Variants in SH2D1B observed in about 807,000 individuals in gnomAD.
SH2D1B encodes the protein SH2 domain containing 1B, also known as SH2 domain-containing protein 1B.
In SH2D1B, 11 loss-of-function variants were observed where a neutral mutation model predicts 16.3. The observed-to-expected ratio is 0.67, with a 90% CI of 0.42 to 1.11. SH2D1B has a LOEUF of 1.11. Ranked by LOEUF, SH2D1B falls within the 50% of genes most tolerant of loss-of-function variation. SH2D1B has a pLI of 0.00. For synonymous variants in SH2D1B, 55 were observed against 56.1 expected, an observed-to-expected ratio of 0.98 and a Z score of 0.09; for missense variants, 123 against 153.1, an observed-to-expected ratio of 0.80 and a Z score of 1.04.
At chr1:162,402,273 G>A (rs1027531402) in intron 2 of SH2D1B, among the ~76,000 whole-genome samples, 1 of 152,208 alleles carries the variant, frequency 6.6e-6, no homozygotes, top group Non-Finnish European at 1.5e-5. Flanking sequence ...AGCAGTCTGG[G>A]AGGCTGAGGC....
At chr1:162,401,946 A>C (rs1342955300) in intron 2 of SH2D1B, among the ~76,000 whole-genome samples, 7 of 152,364 alleles carry the variant, frequency 4.6e-5, no homozygotes, top group Middle Eastern at 3.4e-3. Context: ...AATTTAAAAG[A>C]AGCAAAATGT....
At chr1:162,409,184 GTCCTTGCACC>G (rs1206592705) in intron 1 of SH2D1B, among the ~76,000 whole-genome samples, 41 of 151,564 alleles carry the variant, frequency 2.7e-4, no homozygotes, top group African/African-American at 9.2e-4. Context: ...GCCAAGGTCT[GTCCTTGCACC>G]TTCTTGTTTT....
At position 162,397,313 on chromosome 1, in the gene SH2D1B, G is replaced by C. The variant is rs34001279; in HGVS notation, c.366C>G (p.Asn122Lys). The change falls in exon 4 of 4, where the codon AAC becomes AAG. Residue 122 changes from asparagine to lysine, a missense_variant and splice_region_variant. Asn to Lys is a moderately conservative substitution (Grantham distance 94). Transcript: ENST00000367929. ...GLKLELETFV[N>K]SNSDYVDVLP ...AGACATCCACATAATCGCTGTTACT[G>C]TTCTTTGGAGGGAAAAAAAAAGCAG... The C allele has an allele frequency of 1.9e-6, 3 of 1,613,282 alleles. No individual in the cohort carries two copies. The highest frequency in any genetic ancestry group is 2.5e-6 in the Non-Finnish European group (3 of 1,179,764).
chr1:162,411,850 G>A lies in SH2D1B; in HGVS notation c.134+33C>T, dbSNP rs183913525. The stretch of plus-strand genomic sequence containing the variant: ...GCAGCCATTGCCACATTCAACATAC[G>A]ATGTCAGATGTGTGCAAGATGAGGC... On this transcript the variant is annotated intron_variant, in intron 1 of 3. Transcript: ENST00000367929. 222 of 1,613,320 alleles carry A rather than the reference G, an allele frequency of 1.4e-4. 2 individuals carry two copies. In the East Asian group the frequency reaches 2.7e-3, roughly 20 times the overall value.
At chr1:162,403,511 A>AAAAAAATATAT (rs1648579325) in intron 1 of SH2D1B, among the ~76,000 whole-genome samples, 1 of 42,040 alleles carries the variant, frequency 2.4e-5, no homozygotes, top group Non-Finnish European at 4.0e-5. Context: ...AAAAAAAAAA[A>AAAAAAATATAT]ATATATATAT....
At chr1:162,402,958 G>C (rs1280845187) in intron 1 of SH2D1B, among the ~76,000 whole-genome samples, 156 bp from the exon 2 acceptor site, 1 of 150,096 alleles carries the variant, frequency 6.7e-6, no homozygotes, top group Non-Finnish European at 1.5e-5. Context: ...GCCCAGGCTG[G>C]AGTGCAGTGG....
Position 162,409,578 on chromosome 1 carries a change from CTT to C in SH2D1B, c.134+2303_134+2304del, listed in dbSNP as rs202167750. ...TACATGTAAGCAGATCTTTTCCACT[CTT>C]TGTTTATTTTATTTGAGATGGAGAG... On this transcript the variant is annotated intron_variant, in intron 1 of 3. Coordinates refer to ENST00000367929, the MANE Select transcript of SH2D1B (RefSeq NM_053282.5). 8.4e-3 allele frequency among the ~76,000 whole-genome samples: 1,273 copies of C among 152,178 alleles called. 18 individuals are homozygous for C. Among genetic ancestry groups the C allele is most frequent in the African/African-American group, 0.029 (1,207 of 41,502 alleles).
chr1:162,405,799 A>G (rs1648641869), intron 1 of SH2D1B, among the ~76,000 whole-genome samples: 1 of 152,234 alleles, frequency 6.6e-6, no homozygotes, highest in East Asian at 1.9e-4. Flanking sequence ...GTTTTCCCAT[A>G]TCTTTGAATT....
At chr1:162,408,271 G>A (rs1341553178) in intron 1 of SH2D1B, among the ~76,000 whole-genome samples, 1 of 152,194 alleles carries the variant, frequency 6.6e-6, no homozygotes, top group Non-Finnish European at 1.5e-5. Flanking sequence ...TTAAGCCTGA[G>A]GGTGAATGAA....
At chr1:162,409,017 G>A (rs1019247778) in intron 1 of SH2D1B, among the ~76,000 whole-genome samples, 3 of 151,590 alleles carry the variant, frequency 2.0e-5, no homozygotes, top group South Asian at 2.1e-4. Context: ...CCTGAGACAG[G>A]AGAATCTCTT....
In SH2D1B at chr1:162,408,414, C is replaced by CTTTTT. The variant is rs34627792; in HGVS notation, c.134+3464_134+3468dup. The stretch of plus-strand genomic sequence containing the variant: ...TTTTTAGCTTCTCTTTTTTTCTCTT[C>CTTTTT]TTTTTTTTTTTTTTTTTGAGATCAA... On this transcript the variant is annotated intron_variant, in intron 1 of 3. Coordinates refer to ENST00000367929, the MANE Select transcript of SH2D1B (RefSeq NM_053282.5). Among the ~76,000 whole-genome samples the CTTTTT allele has an allele frequency of 3.0e-4, 39 of 128,184 alleles. 2 individuals are homozygous for CTTTTT. Among genetic ancestry groups the CTTTTT allele is most frequent in the South Asian group, 7.7e-4 (3 of 3,896 alleles). 84.1% of individuals were successfully genotyped at this position (128,184 alleles called of 152,430 possible).
rs1648356832 is a variant in SH2D1B at position 162,395,681 on chromosome 1, A to G, written c.*1599T>C. On this transcript the variant is annotated 3_prime_UTR_variant, in exon 4 of 4. Transcript: ENST00000367929. ...AACAGGTAAACTAGTAGATCTAATG[A>G]GAGGGTTAACATTTCACCAACACCA... 1 of 152,228 alleles carries G rather than the reference A, an allele frequency of 6.6e-6. No homozygotes were observed. The highest frequency in any genetic ancestry group is 2.4e-5 in the African/African-American group (1 of 41,468). 9.4% of individuals were successfully genotyped at this position (152,228 alleles called of 1,614,324 possible).
intron 1 of SH2D1B, among the ~76,000 whole-genome samples, 171 bp downstream of exon 1, chr1:162,411,712 G>A (rs1367022955): frequency 6.6e-6 from 1 of 152,124 alleles, no homozygotes; most frequent in Non-Finnish European, 1.5e-5. Flanking sequence ...GCAGATGGAG[G>A]AGCATGGACA....
intron 2 of SH2D1B, among the ~76,000 whole-genome samples, chr1:162,400,555 C>T (rs1324811294): frequency 1.3e-5 from 2 of 150,838 alleles, no homozygotes; most frequent in African/African-American, 4.9e-5. Context: ...CTGCCTGCCT[C>T]AGCCTCCCAA....
intron 1 of SH2D1B, among the ~76,000 whole-genome samples, chr1:162,410,269 G>T (rs545547145): frequency 6.6e-6 from 1 of 152,236 alleles, no homozygotes; most frequent in East Asian, 1.9e-4. Flanking sequence ...GTAATTTTCT[G>T]TCTACCGACA....
rs1419748220 is a variant in SH2D1B, at chr1:162,398,974, G to T, written c.312C>A (p.Thr104=). 6.2e-7 allele frequency: 1 copy of T among 1,613,976 alleles called. No homozygotes were observed. The highest frequency in any genetic ancestry group is 8.5e-7 in the Non-Finnish European group (1 of 1,179,934). Reference sequence around the variant, plus strand: ...ATCCTCTCCATCTCAAGCTGGGGCTGGTTCTCTTTATTGGCTTTAAAAGGT... The same window carrying T: ...ATCCTCTCCATCTCAAGCTGGGGCTTGTTCTCTTTATTGGCTTTAAAAGGT... ...VVHLLKPIKR[T]SPSLRWRGLK... The change falls in exon 3 of 4, where the codon ACC becomes ACA. Residue 104 remains threonine, a synonymous_variant. Coordinates refer to ENST00000367929, the MANE Select transcript of SH2D1B (RefSeq NM_053282.5).
chr1:162,403,561 T>C (rs1009290274), intron 1 of SH2D1B, among the ~76,000 whole-genome samples: 1 of 125,748 alleles, frequency 8.0e-6, no homozygotes, highest in African/African-American at 3.1e-5. Flanking sequence ...CTATATAACC[T>C]CACTACTGTG....
At chr1:162,410,934 G>C (rs1279217656) in intron 1 of SH2D1B, among the ~76,000 whole-genome samples, 1 of 151,156 alleles carries the variant, frequency 6.6e-6, no homozygotes, top group Non-Finnish European at 1.5e-5. Flanking sequence ...GGGATTACAG[G>C]AGTGAGCCAC....
rs148251505 is a variant in SH2D1B at position 162,410,538 on chromosome 1, C to T, written c.134+1345G>A. Among the ~76,000 whole-genome samples the T allele has an allele frequency of 5.3e-4, 80 of 152,190 alleles. No homozygotes were observed. The East Asian group carries it at 0.015, about 28-fold the overall frequency. On this transcript the variant is annotated intron_variant, in intron 1 of 3. Coordinates refer to ENST00000367929, the MANE Select transcript of SH2D1B (RefSeq NM_053282.5). ...TCCCTACTTTACAAAGAGGAACATA[C>T]ATAAAGATAGGAGGTTTCTAGTGAT...
Sources: allele counts gnomAD v4.1 joint callset (sites outside exome capture counted in the v4.1 genomes callset), GRCh38; gene constraint gnomAD v4.1.1; transcripts MANE v1.5; gene names NCBI Gene and HGNC (gene_info 2026-07-23, HGNC 2026-07-21).